FN1: variants seen among roughly 807,000 people sequenced by gnomAD.
FN1 encodes fibronectin 1, also known as fibronectin.
In FN1, 106 loss-of-function variants were observed where a neutral mutation model predicts 297.3. The observed-to-expected ratio is 0.36, with a 90% CI of 0.30 to 0.42. FN1 has a LOEUF of 0.42. FN1 is among the 10% of genes least tolerant of loss of function. The pLI is 1.00. For missense variants in FN1, 2,690 were observed against 3,124.9 expected (o/e 0.86, Z 3.32); for synonymous variants, 1,149 against 1,152.6 (o/e 1.00, Z 0.06).
intron 2 of FN1, among the ~76,000 whole-genome samples, chr2:215,433,948 G>A (rs908883655): frequency 1.3e-5 from 2 of 152,060 alleles, no homozygotes; most frequent in African/African-American, 4.8e-5. Flanking sequence ...CTAAAAATAT[G>A]AAAATTAGCT....
chr2:215,417,528 G>A (rs955158793), intron 12 of FN1, among the ~76,000 whole-genome samples: 2 of 152,104 alleles, frequency 1.3e-5, no homozygotes, highest in African/African-American at 2.4e-5. Context: ...ACTCTACCAA[G>A]TTCTCTGTAG....
In FN1 at chr2:215,392,948, G is replaced by A. The variant is rs920069022; in HGVS notation, c.4052C>T (p.Thr1351Ile). 6.2e-7 allele frequency: 1 copy of A among 1,612,592 alleles called. No homozygotes were observed. Among genetic ancestry groups the A allele is most frequent in the African/African-American group, 1.3e-5 (1 of 74,850 alleles). Residue 1351 changes from threonine to isoleucine, a missense_variant, in exon 25 of 46, where the codon ACA (threonine) becomes ATA (isoleucine). Thr to Ile is a moderately conservative substitution (Grantham distance 89, BLOSUM62 -1). This residue lies in a region of FN1 where 1,743 missense variants were observed against 1,945.2 expected (regional missense o/e 0.90). Coordinates refer to ENST00000354785, the MANE Select transcript of FN1 (RefSeq NM_212482.4). ...AAATTCACCCGTTTGTTGTGTCAGT[G>A]TAGTAGGGGCACTCTCGCCGCCATT... Reference protein sequence around the residue: ...LINGGESAPTTLTQQTAVPPP... With the variant: ...LINGGESAPTILTQQTAVPPP...
intron 13 of FN1, among the ~76,000 whole-genome samples, chr2:215,412,579 G>A (rs2062813638): frequency 6.6e-6 from 1 of 152,048 alleles, no homozygotes. Flanking sequence ...TGGGACTACA[G>A]GTGCATGCTA....
chr2:215,395,951 A>G (rs2060262210), intron 23 of FN1, among the ~76,000 whole-genome samples: 2 of 152,214 alleles, frequency 1.3e-5, no homozygotes, highest in South Asian at 4.1e-4. Context: ...TGGAAATTGT[A>G]TAGCTTTGGC....
chr2:215,420,970 G>C (rs1209508922), intron 10 of FN1, 169 bp from the exon 11 acceptor site: 1 of 728,836 alleles, frequency 1.4e-6, no homozygotes, highest in East Asian at 2.9e-5. Context: ...AGTTTGGTCA[G>C]TAATACAATT....
chr2:215,368,597 A>G (rs2055163587), intron 41 of FN1, among the ~76,000 whole-genome samples: 1 of 152,236 alleles, frequency 6.6e-6, no homozygotes, highest in Non-Finnish European at 1.5e-5. Flanking sequence ...TTATAATGCA[A>G]AAGTCTTAGC....
At chr2:215,401,234 G>GAA (rs1461466310) in intron 20 of FN1, among the ~76,000 whole-genome samples, 3 of 56,046 alleles carry the variant, frequency 5.4e-5, no homozygotes, top group African/African-American at 2.6e-4. Flanking sequence ...AAGAAAGAAA[G>GAA]AAAGAAAGAA....
chr2:215,404,299 G>GTTTTT (rs1553632344), intron 20 of FN1, 90 bp downstream of exon 20: 25 of 1,080,114 alleles, frequency 2.3e-5, no homozygotes, highest in South Asian at 8.8e-5. Flanking sequence ...ATTTTTTAAT[G>GTTTTT]TTTTTTTTGT....
intron 38 of FN1, among the ~76,000 whole-genome samples, chr2:215,374,139 G>A (rs1216593520): frequency 6.6e-6 from 1 of 152,136 alleles, no homozygotes; most frequent in African/African-American, 2.4e-5. Context: ...AGTCCTCAGT[G>A]GCAGATCAAT....
rs2062044882 is a variant in FN1 at position 215,408,138 on chromosome 2, G to A, written c.2488C>T (p.Arg830Cys). ...ATGGGAGCCTGGGGTCTGCTCCAGC[G>A]AACAACAATTGAGGTGTCATCAACT... ...DQVDDTSIVV[R>C]WSRPQAPITG... The change falls in exon 17 of 46, where the codon CGC (arginine) becomes TGC (cysteine). Residue 830 changes from arginine (R) to cysteine (C), a missense_variant. This residue lies in a region of FN1 where 876 missense variants were observed against 1,058.1 expected (regional missense o/e 0.83). Coordinates refer to ENST00000354785, the MANE Select transcript of FN1 (RefSeq NM_212482.4). 4.3e-6 allele frequency: 7 copies of A among 1,613,918 alleles called. No individual in the cohort carries two copies. Among genetic ancestry groups the A allele is most frequent in the Admixed American group, 1.7e-5 (1 of 59,990 alleles).
In FN1 at chr2:215,365,684, C is replaced by G. The variant is rs1043140442; in HGVS notation, c.7019-54G>C. 5 of 1,586,770 alleles carry G rather than the reference C, an allele frequency of 3.2e-6. No individual in the cohort carries two copies. The Admixed American group carries it at 6.7e-5, about 21-fold the overall frequency. ...AAAGTTATTTGTATATTCTGACTCA[C>G]AAGACAGTAGGTGAACTGGGACGTG... is the stretch of plus-strand genomic sequence containing the variant. On this transcript the variant is annotated intron_variant, in intron 42 of 45. Coordinates refer to ENST00000354785, the MANE Select transcript of FN1 (RefSeq NM_212482.4).
Position 215,391,779 on chromosome 2 carries a change from T to C in FN1, c.4105A>G (p.Ile1369Val). ...GTGACACGCATGGTGTCTGGACCAA[T>C]GTTGGTGAATCGCAGGTCAGTGGGA... ...PPPTDLRFTN[I>V]GPDTMRVTWA... The change falls in exon 26 of 46, where the codon ATT (isoleucine) becomes GTT (valine). Residue 1369 changes from isoleucine to valine, a missense_variant. Physicochemically the swap from Ile to Val is conservative, Grantham distance 29. Transcript: ENST00000354785. The C allele has an allele frequency of 1.2e-6, 2 of 1,614,096 alleles. No individual in the cohort carries two copies. The highest frequency in any genetic ancestry group is 1.3e-5 in the African/African-American group (1 of 75,024).
intron 29 of FN1, 141 bp downstream of exon 29, chr2:215,384,719 G>A (rs1023177383): frequency 1.6e-5 from 11 of 673,660 alleles, no homozygotes; most frequent in African/African-American, 9.1e-5. Context: ...TATATCTTAC[G>A]TATTTTCTTG....
chr2:215,404,400 A>G lies in FN1; in HGVS notation c.3242T>C (p.Val1081Ala). The part of the protein sequence containing the change: ...GNQESPKATG[V>A]FTTLQPGSSI... ...AATTTTCAGCTTACGTGTGGTAAAG[A>G]CTCCAGTGGCTTTGGGGCTCTCTTG... The change falls in exon 20 of 46, where the codon GTC becomes GCC. Residue 1081 changes from valine to alanine, a missense_variant. Transcript: ENST00000354785. 2 of 1,613,644 alleles carry G rather than the reference A, an allele frequency of 1.2e-6. No homozygotes were observed. Among genetic ancestry groups the G allele is most frequent in the Non-Finnish European group, 1.7e-6 (2 of 1,179,882 alleles).
At position 215,417,668 on chromosome 2, in the gene FN1, G is replaced by C. The variant is rs1381750341; in HGVS notation, c.1819+1574C>G. On this transcript the variant is annotated intron_variant, in intron 12 of 45. Transcript: ENST00000354785. The stretch of plus-strand genomic sequence containing the variant: ...CAGACATACAGATAAGCACCAAAGA[G>C]CATATCTGAGGTCAAATTCCAATCT... Among the ~76,000 whole-genome samples the C allele has an allele frequency of 2.6e-5, 4 of 152,288 alleles. No homozygotes were observed. In the East Asian group the frequency reaches 7.7e-4, roughly 29 times the overall value.
Position 215,435,897 on chromosome 2 carries a change from C to T in FN1, c.-95G>A. ...CCTGCGGGAAAAATCCCTTCTAATG[C>T]CTCCCGGGGGTTGTCGCCTCCAAGA... On this transcript the variant is annotated 5_prime_UTR_variant, in exon 1 of 46. Transcript: ENST00000354785. 1.4e-6 allele frequency: 2 copies of T among 1,474,228 alleles called. No individual in the cohort carries two copies. Among genetic ancestry groups the T allele is most frequent in the Non-Finnish European group, 1.8e-6 (2 of 1,114,112 alleles). 91.3% of individuals were successfully genotyped at this position (1,474,228 alleles called of 1,614,324 possible).
chr2:215,371,985 G>T lies in FN1; in HGVS notation c.6638C>A (p.Ser2213Ter). 3.1e-6 allele frequency: 5 copies of T among 1,614,244 alleles called. No individual in the cohort carries two copies. Among genetic ancestry groups the T allele is most frequent in the Non-Finnish European group, 4.2e-6 (5 of 1,180,048 alleles). Reference protein sequence around the residue: ...GQEALSQTTISWAPFQDTSEY... With the variant: ...GQEALSQTTI The stretch of plus-strand genomic sequence containing the variant: ...AGAAGTGTCCTGGAATGGGGCCCAT[G>T]AGATGGTTGTCTGAGAGAGAGCTTC... The change falls in exon 40 of 46, where the codon TCA becomes TAA. Residue 2213 changes from serine (S) to a stop codon, truncating the protein, a stop_gained. Transcript: ENST00000354785. LOFTEE classifies it high-confidence loss of function.
intron 29 of FN1, 169 bp from the exon 30 acceptor site, chr2:215,384,353 C>A: frequency 1.5e-6 from 1 of 647,822 alleles, no homozygotes; most frequent in Non-Finnish European, 2.7e-6. Context: ...ATGTAGCAAA[C>A]CTTGGTAAGT....
intron 20 of FN1, among the ~76,000 whole-genome samples, chr2:215,403,631 C>T (rs762999188): frequency 4.6e-5 from 7 of 152,068 alleles, no homozygotes; most frequent in African/African-American, 7.2e-5. Flanking sequence ...TAATAGGAAT[C>T]GGTTTGTGAA....
Sources: gnomAD v4.1 joint callset for allele counts (sites outside exome capture counted in the v4.1 genomes callset) on GRCh38, gnomAD v4.1.1 for gene constraint, gnomAD v4.1.1 regional missense constraint, MANE v1.5 for transcripts, NCBI Gene and HGNC (gene_info 2026-07-23, HGNC 2026-07-21) for gene names.